Variants in KANK1 observed in about 807,000 individuals in gnomAD.
KANK1 encodes the protein KN motif and ankyrin repeat domains 1.
KANK1 carries 109 observed loss-of-function variants against 106.2 expected under a neutral mutation model. The observed-to-expected ratio is 1.03, with a 90% confidence interval of 0.88 to 1.20. The LOEUF (loss-of-function observed/expected upper bound fraction) is 1.20. Ranked by LOEUF, KANK1 falls within the 50% of genes most tolerant of loss-of-function variation. The pLI is 0.00. For synonymous variants in KANK1, 873 were observed against 652.2 expected, an observed-to-expected ratio of 1.34 and a Z score of -5.16; for missense variants, 2,399 against 1,710.7, an observed-to-expected ratio of 1.40 and a Z score of -7.10.
At chr9:670,150 C>G (rs913280493) in intron 1 of KANK1, among the ~76,000 whole-genome samples, 2 of 152,074 alleles carry the variant, frequency 1.3e-5, no homozygotes, top group African/African-American at 4.8e-5. Flanking sequence ...TTGGAGATCC[C>G]TGAGTTTCTG....
chr9:617,535 G>A (rs554642194), intron 1 of KANK1, among the ~76,000 whole-genome samples: 1 of 152,310 alleles, frequency 6.6e-6, no homozygotes, highest in Non-Finnish European at 1.5e-5. Flanking sequence ...CCTGAAGGCA[G>A]CCTGGCAGGC....
At chr9:653,133 C>T (rs1841297959) in intron 1 of KANK1, among the ~76,000 whole-genome samples, 1 of 152,070 alleles carries the variant, frequency 6.6e-6, no homozygotes, top group African/African-American at 2.4e-5. Flanking sequence ...CCCTTTGGGC[C>T]CAGGATTTAG....
In KANK1 at chr9:712,819, A is replaced by G. The variant is rs1826549638; in HGVS notation, c.2053A>G (p.Asn685Asp). Residue 685 changes from asparagine to aspartate, a missense_variant, in exon 3 of 12, where the codon AAC becomes GAC. Coordinates refer to ENST00000382297, the MANE Select transcript of KANK1 (RefSeq NM_015158.5). ...TDLEQVHQFT[N>D]TETATLIESC... Reference sequence around the variant, plus strand: ...TTTGGAACAGGTGCACCAGTTCACCAACACCGAGACGGCCACCCTCATAGA... The same window carrying G: ...TTTGGAACAGGTGCACCAGTTCACCGACACCGAGACGGCCACCCTCATAGA... 1.2e-5 allele frequency: 19 copies of G among 1,613,962 alleles called. No individual in the cohort carries two copies. Among genetic ancestry groups the G allele is most frequent in the Non-Finnish European group, 1.4e-5 (17 of 1,179,960 alleles).
chr9:739,949 C>T (rs1184285896), intron 8 of KANK1, among the ~76,000 whole-genome samples: 1 of 152,088 alleles, frequency 6.6e-6, no homozygotes, highest in Non-Finnish European at 1.5e-5. Flanking sequence ...TAAAAACACC[C>T]ACTTTTAAAA....
At chr9:511,299 A>G (rs928930804) in intron 1 of KANK1, among the ~76,000 whole-genome samples, 1 of 152,160 alleles carries the variant, frequency 6.6e-6, no homozygotes, top group African/African-American at 2.4e-5. Context: ...AGGCTTGGAG[A>G]CCCAGGTGAA....
intron 1 of KANK1, among the ~76,000 whole-genome samples, chr9:596,216 G>A (rs1826167312): frequency 1.3e-5 from 2 of 151,802 alleles, no homozygotes; most frequent in South Asian, 2.1e-4. Flanking sequence ...GGATTTTGGA[G>A]CATTTCTATT....
rs371575897 is a variant in KANK1 at position 744,583 on chromosome 9, G to T, written c.3990G>T (p.Gln1330His). Residue 1330 changes from glutamine (Q) to histidine (H), a missense_variant, in exon 11 of 12, where the codon CAG becomes CAT. By Grantham distance (24) the Gln-to-His change is conservative (BLOSUM62 0). Transcript: ENST00000382297. ...LYAHVNFAKA[Q>H]SPGTPRLGRK... ...CCCATGTCAACTTTGCAAAAGCCCA[G>T]TCTCCGGTCAGTGTTGTGCATTTGG... 6.2e-7 allele frequency: 1 copy of T among 1,614,048 alleles called. No individual in the cohort carries two copies. Among genetic ancestry groups the T allele is most frequent in the Non-Finnish European group, 8.5e-7 (1 of 1,180,030 alleles).
intron 1 of KANK1, among the ~76,000 whole-genome samples, chr9:651,603 G>A (rs1225900775): frequency 6.6e-6 from 1 of 152,184 alleles, no homozygotes; most frequent in African/African-American, 2.4e-5. Context: ...TACTCAGCCT[G>A]TTCTCTCAAC....
intron 1 of KANK1, among the ~76,000 whole-genome samples, chr9:539,998 C>T (rs1587635154): frequency 6.6e-6 from 1 of 152,134 alleles, no homozygotes. Flanking sequence ...GACAGAGTAA[C>T]TTCTTGCTTT....
intron 1 of KANK1, among the ~76,000 whole-genome samples, chr9:567,213 T>G (rs1818022635): frequency 6.6e-6 from 1 of 152,200 alleles, no homozygotes; most frequent in South Asian, 2.1e-4. Flanking sequence ...TGTCTGGTTT[T>G]GTACCAGTGC....
chr9:545,724 CTTTTTTTTTTTTTT>C (rs61622402), intron 1 of KANK1, among the ~76,000 whole-genome samples: 7 of 102,680 alleles, frequency 6.8e-5, no homozygotes, highest in African/African-American at 2.1e-4. Context: ...TGTACAGAGC[CTTTTTTTTTTTTTT>C]TTTTTTTTTT....
intron 1 of KANK1, among the ~76,000 whole-genome samples, chr9:531,479 A>G (rs979624953): frequency 1.3e-5 from 2 of 152,220 alleles, no homozygotes; most frequent in Admixed American, 1.3e-4. Flanking sequence ...AGATCGGCTT[A>G]CAAATCAGAA....
At chr9:568,745 G>A (rs1818441846) in intron 1 of KANK1, among the ~76,000 whole-genome samples, 1 of 151,988 alleles carries the variant, frequency 6.6e-6, no homozygotes, top group Non-Finnish European at 1.5e-5. Flanking sequence ...ACCTCCCAAA[G>A]CACTGGGATT....
chr9:725,384 T>C (rs936821239), intron 3 of KANK1, among the ~76,000 whole-genome samples: 9 of 151,714 alleles, frequency 5.9e-5, no homozygotes, highest in Admixed American at 5.9e-4. Context: ...CCCCAGCTAC[T>C]TGGGAGGCTG....
At chr9:647,796 G>C (rs1316017756) in intron 1 of KANK1, among the ~76,000 whole-genome samples, 1 of 150,484 alleles carries the variant, frequency 6.6e-6, no homozygotes, top group Non-Finnish European at 1.5e-5. Context: ...ATATATAGCA[G>C]AGATACGAAA....
At chr9:571,699 T>A (rs1013306541) in intron 1 of KANK1, among the ~76,000 whole-genome samples, 2 of 152,224 alleles carry the variant, frequency 1.3e-5, no homozygotes, top group Non-Finnish European at 2.9e-5. Context: ...TTTGAATGAA[T>A]GCCAGAAATA....
chr9:580,721 G>A (rs188156678), intron 1 of KANK1, among the ~76,000 whole-genome samples: 10 of 152,256 alleles, frequency 6.6e-5, no homozygotes, highest in African/African-American at 1.9e-4. Flanking sequence ...AGTGGATCCC[G>A]CACTGGGGCC....
chr9:643,142 A>T (rs1838855328), intron 1 of KANK1, among the ~76,000 whole-genome samples: 1 of 150,772 alleles, frequency 6.6e-6, no homozygotes, highest in Non-Finnish European at 1.5e-5. Context: ...TGAACCAAGG[A>T]TCTGTTGAAG....
chr9:573,228 G>C (rs974517122), intron 1 of KANK1, among the ~76,000 whole-genome samples: 1 of 152,012 alleles, frequency 6.6e-6, no homozygotes, highest in Non-Finnish European at 1.5e-5. Context: ...GATTTCACTT[G>C]TCACTAAACT....
Sources: allele counts gnomAD v4.1 joint callset (sites outside exome capture counted in the v4.1 genomes callset), GRCh38; gene constraint gnomAD v4.1.1; transcripts MANE v1.5; gene names NCBI Gene and HGNC (gene_info 2026-07-23, HGNC 2026-07-21).